The following CBR4 variants were observed in gnomAD, a reference collection of about 807,000 sequenced individuals.
CBR4 encodes carbonyl reductase 4.
A neutral mutation model predicts 21.0 loss-of-function variants in CBR4; 22 were observed. That is an observed-to-expected ratio of 1.05 (90% CI 0.75 to 1.50). The LOEUF is 1.50. Among genes scored for constraint, CBR4 ranks in the 40% most tolerant of loss-of-function variants. The probability of loss-of-function intolerance (pLI) is 0.00; values close to 1 mark genes in which losing one functional copy is unlikely to be tolerated. For missense variants in CBR4, 302 were observed against 286.3 expected, an observed-to-expected ratio of 1.05 and a Z score of -0.40; for synonymous variants, 100 against 104.4, an observed-to-expected ratio of 0.96 and a Z score of 0.26.
At chr4:168,947,865 T>C (rs1763435772) in intron 2 of CBR4, among the ~76,000 whole-genome samples, 1 of 152,220 alleles carries the variant, frequency 6.6e-6, no homozygotes, top group Non-Finnish European at 1.5e-5. Context: ...TTTCATATAA[T>C]GACTTCTTTT....
Position 169,010,131 on chromosome 4 carries a change from A to C in CBR4, c.-42T>G, listed in dbSNP as rs756281488. On this transcript the variant is annotated 5_prime_UTR_variant, in exon 1 of 5. Transcript: ENST00000306193. ...CGGAGGAAAGAGGGTAGGGAGTGGG[A>C]GCCCCTCTCCAGGTTCCCTCAGGCT... 2.0e-6 allele frequency: 3 copies of C among 1,519,644 alleles called. No individual in the cohort carries two copies. The highest frequency in any genetic ancestry group is 2.0e-5 in the Admixed American group (1 of 48,986). The allele number at this position is 1,519,644 out of a possible 1,614,324, so 94.1% of individuals were successfully genotyped here. A position where few individuals can be genotyped will look rare whatever the true frequency, so the allele number is the denominator to read the frequency against.
chr4:168,927,786 A>G (rs1762743780), intron 2 of CBR4: 1 of 219,042 alleles, frequency 4.6e-6, no homozygotes, highest in East Asian at 6.7e-5. Flanking sequence ...GATGGTTTTA[A>G]GTCGGAACCG....
chr4:168,907,883 G>A (rs1374946670), intron 2 of CBR4, among the ~76,000 whole-genome samples: 2 of 151,978 alleles, frequency 1.3e-5, no homozygotes, highest in Non-Finnish European at 2.9e-5. Flanking sequence ...ACAGTAAACA[G>A]ACCAGTTTCT....
At chr4:168,925,327 C>A in intron 2 of CBR4, 1 of 1,376,600 alleles carries the variant, frequency 7.3e-7, no homozygotes, top group Admixed American at 1.7e-5. Context: ...ATGTTGATTT[C>A]TCTTACATTG....
At chr4:168,915,506 T>A (rs950470865) in intron 2 of CBR4, among the ~76,000 whole-genome samples, 1 of 152,222 alleles carries the variant, frequency 6.6e-6, no homozygotes, top group African/African-American at 2.4e-5. Flanking sequence ...TCAGAACTTT[T>A]AATTTCCTAC....
At chr4:168,919,548 T>C (rs1222228666) in intron 2 of CBR4, among the ~76,000 whole-genome samples, 1 of 150,684 alleles carries the variant, frequency 6.6e-6, no homozygotes, top group Non-Finnish European at 1.5e-5. Flanking sequence ...GTGAAAAACC[T>C]TGCCACATGT....
chr4:168,970,608 C>A (rs1303019639), intron 2 of CBR4, among the ~76,000 whole-genome samples: 2 of 152,060 alleles, frequency 1.3e-5, no homozygotes, highest in Non-Finnish European at 1.5e-5. Flanking sequence ...ACACTGCACC[C>A]AGTGTGTAGT....
At chr4:168,957,160 A>C (rs1373817182) in intron 2 of CBR4, among the ~76,000 whole-genome samples, 1 of 152,200 alleles carries the variant, frequency 6.6e-6, no homozygotes, top group African/African-American at 2.4e-5. Flanking sequence ...TATTCTGAAC[A>C]CTACATCGCC....
intron 4 of CBR4, among the ~76,000 whole-genome samples, chr4:168,997,828 T>G (rs540655467): frequency 6.6e-6 from 1 of 152,250 alleles, no homozygotes; most frequent in South Asian, 2.1e-4. Context: ...CCAGATAAGA[T>G]GTCCACTCTT....
chr4:168,973,500 G>T (rs187421507), intron 2 of CBR4, among the ~76,000 whole-genome samples: 2 of 152,164 alleles, frequency 1.3e-5, no homozygotes, highest in East Asian at 3.9e-4. Context: ...GCTAATTTTT[G>T]TATGTTTCGT....
chr4:168,920,657 C>T (rs986156849), intron 2 of CBR4, among the ~76,000 whole-genome samples: 23 of 152,134 alleles, frequency 1.5e-4, no homozygotes, highest in Admixed American at 1.5e-3. Context: ...CTCTGGTCCA[C>T]ACAACTGTCA....
At chr4:168,941,716 G>A (rs918793433) in intron 2 of CBR4, among the ~76,000 whole-genome samples, 12 of 152,046 alleles carry the variant, frequency 7.9e-5, no homozygotes, top group African/African-American at 1.9e-4. Flanking sequence ...CTCCACAGTC[G>A]CCCCAGCATC....
intron 2 of CBR4, among the ~76,000 whole-genome samples, chr4:168,909,399 A>G (rs997862771): frequency 2.6e-5 from 4 of 152,212 alleles, no homozygotes; most frequent in Non-Finnish European, 4.4e-5. Flanking sequence ...TGCACAAGGT[A>G]TGAAATAATC....
At chr4:168,984,841 G>C (rs1239722108), downstream of CBR4, among the ~76,000 whole-genome samples, 1 of 152,088 alleles carries the variant, frequency 6.6e-6, no homozygotes, top group Non-Finnish European at 1.5e-5. Flanking sequence ...AATGGTGCTG[G>C]GATAACTGGC....
chr4:169,009,038 C>T (rs1393061300), intron 1 of CBR4: 2 of 410,056 alleles, frequency 4.9e-6, no homozygotes, highest in South Asian at 1.6e-5. Context: ...CCAGCACGGG[C>T]AACATAATGG....
At chr4:169,007,606 A>G (rs764577140) in intron 2 of CBR4, 30 bp downstream of exon 2, 3 of 1,395,470 alleles carry the variant, frequency 2.1e-6, no homozygotes, top group East Asian at 2.7e-5. Flanking sequence ...AAATATATAT[A>G]TAAGAAACTT....
intron 2 of CBR4, among the ~76,000 whole-genome samples, chr4:168,916,518 C>G (rs1189363217): frequency 6.6e-6 from 1 of 152,002 alleles, no homozygotes; most frequent in African/African-American, 2.4e-5. Flanking sequence ...GTTCTTTACT[C>G]AGAACCCTAC....
At chr4:168,937,224 G>A (rs950753073) in intron 2 of CBR4, among the ~76,000 whole-genome samples, 21 of 152,230 alleles carry the variant, frequency 1.4e-4, no homozygotes, top group East Asian at 3.9e-4. Flanking sequence ...CTTCATAAGC[G>A]AAGGAGAAAT....
intron 4 of CBR4, among the ~76,000 whole-genome samples, chr4:169,000,839 T>C (rs1421940104): frequency 6.6e-6 from 1 of 152,148 alleles, no homozygotes; most frequent in African/African-American, 2.4e-5. Flanking sequence ...ACTAGTACCC[T>C]GGCGAAAGGC....
Sources: allele counts gnomAD v4.1 joint callset (sites outside exome capture counted in the v4.1 genomes callset), GRCh38; gene constraint gnomAD v4.1.1; transcripts MANE v1.5; gene names NCBI Gene and HGNC (gene_info 2026-07-23, HGNC 2026-07-21).